Variants in AFAP1 observed in about 807,000 individuals in gnomAD.
The protein encoded by AFAP1 is actin filament associated protein 1.
Under a neutral mutation model 93.9 loss-of-function variants are expected in AFAP1, and 75 were observed. The observed-to-expected ratio is 0.80, with a 90% CI of 0.66 to 0.97. The LOEUF is 0.97. AFAP1 is among the 50% of genes least tolerant of loss of function. AFAP1 has a pLI of 0.00. For synonymous variants in AFAP1, 517 were observed against 430.7 expected (o/e 1.20, Z -2.48); for missense variants, 1,201 against 1,050.8 (o/e 1.14, Z -1.98).
rs542456010 is a variant in AFAP1 at position 7,760,951 on chromosome 4, C to G, written c.*2814G>C. 6.6e-6 allele frequency: 1 copy of G among 152,398 alleles called. No homozygotes were observed. The highest frequency in any genetic ancestry group is 2.4e-5 in the African/African-American group (1 of 41,598). 9.4% of individuals were successfully genotyped at this position (152,398 alleles called of 1,614,324 possible). On this transcript the variant is annotated 3_prime_UTR_variant, in exon 18 of 18. Transcript: ENST00000420658. ...CCAGTGACATTGCGAAGAAATCCGG[C>G]TTCTCCGGGGACCCTGGCCTGCCTG...
At chr4:7,804,283 G>A (rs989929703) in intron 9 of AFAP1, among the ~76,000 whole-genome samples, 1 of 152,194 alleles carries the variant, frequency 6.6e-6, no homozygotes, top group African/African-American at 2.4e-5. Context: ...GGCTCACCCA[G>A]GGCGTCTCAA....
At chr4:7,915,981 A>G (rs1720065263) in intron 1 of AFAP1, among the ~76,000 whole-genome samples, 1 of 150,938 alleles carries the variant, frequency 6.6e-6, no homozygotes, top group Admixed American at 6.6e-5. Flanking sequence ...GCAGCCAGTC[A>G]CAAGTTCTAG....
intron 1 of AFAP1, among the ~76,000 whole-genome samples, chr4:7,930,438 C>T (rs898759361): frequency 2.6e-5 from 4 of 151,816 alleles, no homozygotes; most frequent in Non-Finnish European, 5.9e-5. Flanking sequence ...CTCGTCTCCC[C>T]TCCCCGGAGG....
chr4:7,791,884 A>G (rs998049301), intron 11 of AFAP1, among the ~76,000 whole-genome samples: 1 of 151,938 alleles, frequency 6.6e-6, no homozygotes, highest in Non-Finnish European at 1.5e-5. Flanking sequence ...CAAAACCCTA[A>G]TAACAAACCA....
At chr4:7,770,082 C>G (rs1438630268) in intron 16 of AFAP1, among the ~76,000 whole-genome samples, 1 of 152,212 alleles carries the variant, frequency 6.6e-6, no homozygotes, top group East Asian at 1.9e-4. Flanking sequence ...CAGAGTGCTT[C>G]CCCAGATGCG....
chr4:7,937,251 GGAA>G (rs1247352213), intron 1 of AFAP1, among the ~76,000 whole-genome samples: 1 of 152,114 alleles, frequency 6.6e-6, no homozygotes, highest in Non-Finnish European at 1.5e-5. Flanking sequence ...GAAAAAAAGG[GGAA>G]GAAGAAAAGA....
At chr4:7,903,378 C>T (rs1344670245) in intron 1 of AFAP1, among the ~76,000 whole-genome samples, 3 of 152,198 alleles carry the variant, frequency 2.0e-5, no homozygotes, top group East Asian at 3.9e-4. Flanking sequence ...GTGACGCTAG[C>T]GTTACAAAGT....
At chr4:7,879,954 G>C (rs887602241) in intron 1 of AFAP1, among the ~76,000 whole-genome samples, 1 of 151,670 alleles carries the variant, frequency 6.6e-6, no homozygotes, top group South Asian at 2.1e-4. Flanking sequence ...CATGCGCCCC[G>C]CCGCCCAGCC....
At chr4:7,884,374 A>G (rs1718026504) in intron 1 of AFAP1, among the ~76,000 whole-genome samples, 1 of 152,230 alleles carries the variant, frequency 6.6e-6, no homozygotes, top group Admixed American at 6.5e-5. Context: ...CTGGAACTAA[A>G]CAAATTGATT....
At chr4:7,794,653 C>T (rs766481652) in intron 10 of AFAP1, among the ~76,000 whole-genome samples, 39 of 152,152 alleles carry the variant, frequency 2.6e-4, no homozygotes, top group Admixed American at 1.3e-4. Flanking sequence ...TCCCAAGCAG[C>T]TGGGACTACA....
intron 2 of AFAP1, 92 bp downstream of exon 2, chr4:7,871,860 A>G: frequency 1.3e-6 from 2 of 1,482,560 alleles, no homozygotes; most frequent in Non-Finnish European, 1.8e-6. Context: ...TAAAGAACAA[A>G]TAAATATATT....
chr4:7,872,758 G>A (rs545173703), intron 1 of AFAP1, among the ~76,000 whole-genome samples: 3 of 152,162 alleles, frequency 2.0e-5, no homozygotes, highest in South Asian at 2.1e-4. Context: ...CACAAGGCCC[G>A]AGGCCCAAAC....
chr4:7,779,533 T>G (rs559105491), intron 13 of AFAP1, among the ~76,000 whole-genome samples: 3 of 152,222 alleles, frequency 2.0e-5, no homozygotes, highest in African/African-American at 7.2e-5. Context: ...ATGTGCAGCT[T>G]AGCTGTGTAA....
intron 11 of AFAP1, among the ~76,000 whole-genome samples, chr4:7,789,761 G>C (rs562947943): frequency 6.6e-6 from 1 of 150,660 alleles, no homozygotes; most frequent in Non-Finnish European, 1.5e-5. Context: ...CACCCCATCC[G>C]TGCATCTCCC....
At chr4:7,924,238 T>C (rs1720595213) in intron 1 of AFAP1, among the ~76,000 whole-genome samples, 1 of 152,206 alleles carries the variant, frequency 6.6e-6, no homozygotes, top group Non-Finnish European at 1.5e-5. Context: ...TGGGCTGACC[T>C]AGCAAACCTC....
intron 10 of AFAP1, among the ~76,000 whole-genome samples, chr4:7,795,205 T>C (rs1218096232): frequency 1.3e-5 from 2 of 152,090 alleles, no homozygotes; most frequent in Admixed American, 6.5e-5. Context: ...ATATTTTCCA[T>C]ATAACAAATC....
At chr4:7,880,422 G>C (rs1020429932) in intron 1 of AFAP1, among the ~76,000 whole-genome samples, 1 of 151,830 alleles carries the variant, frequency 6.6e-6, no homozygotes, top group African/African-American at 2.4e-5. Flanking sequence ...TGGTATTATA[G>C]GCACCCACCA....
At chr4:7,873,614 C>G (rs775907557) in intron 1 of AFAP1, among the ~76,000 whole-genome samples, 5 of 152,062 alleles carry the variant, frequency 3.3e-5, no homozygotes, top group Non-Finnish European at 4.4e-5. Context: ...TCCCAAAGCA[C>G]TGGGATTACA....
chr4:7,863,490 T>C (rs1715986623), intron 3 of AFAP1, among the ~76,000 whole-genome samples: 3 of 152,188 alleles, frequency 2.0e-5, no homozygotes, highest in Admixed American at 1.3e-4. Flanking sequence ...GTTTTTTGAA[T>C]AGATGCATAT....
Sources: gnomAD v4.1 joint callset for allele counts (sites outside exome capture counted in the v4.1 genomes callset) on GRCh38, gnomAD v4.1.1 for gene constraint, MANE v1.5 for transcripts, NCBI Gene and HGNC (gene_info 2026-07-23, HGNC 2026-07-21) for gene names.